IFT140: variants seen among roughly 807,000 people sequenced by gnomAD.
The protein encoded by IFT140 is intraflagellar transport 140, also known as intraflagellar transport protein 140 homolog.
In IFT140, 133 loss-of-function variants were observed where a neutral mutation model predicts 164.6. That is an observed-to-expected ratio of 0.81 (90% CI 0.70 to 0.93). IFT140 has a LOEUF of 0.93. Ranked by LOEUF, IFT140 falls within the 40% of genes least tolerant of loss-of-function variation. The pLI is 0.00. For missense variants in IFT140, 2,045 were observed against 1,972.3 expected, an observed-to-expected ratio of 1.04 and a Z score of -0.70; for synonymous variants, 860 against 817.3, an observed-to-expected ratio of 1.05 and a Z score of -0.89.
intron 19 of IFT140, chr16:1,541,299 C>T: frequency 1.0e-6 from 1 of 985,046 alleles, no homozygotes; most frequent in Non-Finnish European, 1.2e-6. Flanking sequence ...AGGTGGGGGG[C>T]ACTGGTTCAG....
chr16:1,593,571 T>C (rs1015537471), intron 4 of IFT140, among the ~76,000 whole-genome samples: 4 of 152,266 alleles, frequency 2.6e-5, no homozygotes, highest in Admixed American at 1.3e-4. Context: ...CAGGCTCCTC[T>C]GGGCTATGAC....
At chr16:1,526,825 C>T (rs534992746) in intron 19 of IFT140, 29 bp from the exon 20 acceptor site, 11 of 1,593,884 alleles carry the variant, frequency 6.9e-6, no homozygotes, top group Non-Finnish European at 9.4e-6. Context: ...CTGTGAGGCT[C>T]CTGCCCAGCA....
At position 1,574,907 on chromosome 16, in the gene IFT140, A is replaced by G. The variant is rs567243548; in HGVS notation, c.1525-3373T>C. Among the ~76,000 whole-genome samples the G allele has an allele frequency of 7.9e-5, 12 of 152,320 alleles. No homozygotes were observed. In the East Asian group the frequency reaches 2.3e-3, roughly 29 times the overall value. ...AGTGTCTGTAGTCACTGCGTCCCTG[A>G]CACAAACACTAACAGCAGCCATGCA... On this transcript the variant is annotated intron_variant, in intron 13 of 30. Coordinates refer to ENST00000426508, the MANE Select transcript of IFT140 (RefSeq NM_014714.4).
chr16:1,597,231 T>C (rs1175183949), intron 4 of IFT140, among the ~76,000 whole-genome samples: 1 of 152,092 alleles, frequency 6.6e-6, no homozygotes, highest in Non-Finnish European at 1.5e-5. Flanking sequence ...GCCTGGCCCG[T>C]CTAACGTGCT....
Position 1,518,110 on chromosome 16 carries a change from T to C in IFT140, c.4182+106A>G. Reference sequence around the variant, plus strand: ...GCCTCAGCCTCCCAAAGTGCTGGGATTACAGGAGTGAGCCGCCACACACAG... The same window carrying C: ...GCCTCAGCCTCCCAAAGTGCTGGGACTACAGGAGTGAGCCGCCACACACAG... On this transcript the variant is annotated intron_variant, in intron 30 of 30. Coordinates refer to ENST00000426508, the MANE Select transcript of IFT140 (RefSeq NM_014714.4). 3.4e-6 allele frequency: 4 copies of C among 1,161,828 alleles called. No individual in the cohort carries two copies. The South Asian group carries it at 4.4e-5, about 13-fold the overall frequency. The allele number at this position is 1,161,828 out of a possible 1,614,324, so 72.0% of individuals were successfully genotyped here.
intron 19 of IFT140, among the ~76,000 whole-genome samples, chr16:1,537,807 G>A (rs1225552482): frequency 6.6e-6 from 1 of 152,200 alleles, no homozygotes; most frequent in African/African-American, 2.4e-5. Flanking sequence ...GCCAGAGCCT[G>A]GCGCTAGCTG....
At chr16:1,572,570 C>T (rs896264790) in intron 13 of IFT140, among the ~76,000 whole-genome samples, 4 of 152,070 alleles carry the variant, frequency 2.6e-5, no homozygotes, top group Admixed American at 2.0e-4. Flanking sequence ...GGTGTGGACC[C>T]GGGAGGTGGA....
At position 1,583,382 on chromosome 16, in the gene IFT140, G is replaced by A. The variant is rs201949058; in HGVS notation, c.1364C>T (p.Ala455Val). 32 of 1,614,034 alleles carry A rather than the reference G, an allele frequency of 2.0e-5. No individual in the cohort carries two copies. Among genetic ancestry groups the A allele is most frequent in the African/African-American group, 1.9e-4 (14 of 75,046 alleles). ...CTGCCTTCCGTTCCAGACTGCGACAGCATCCTGAAAAGAACCACGGACATT... is the reference window on the plus strand; with the variant it reads ...CTGCCTTCCGTTCCAGACTGCGACAACATCCTGAAAAGAACCACGGACATT... ...HISGVFATKD[A>V]VAVWNGRQVA... Residue 455 changes from alanine to valine, a missense_variant, in exon 12 of 31, where the codon GCT (alanine) becomes GTT (valine). Transcript: ENST00000426508.
chr16:1,574,819 G>A (rs565484812), intron 13 of IFT140, among the ~76,000 whole-genome samples: 5 of 152,228 alleles, frequency 3.3e-5, no homozygotes, highest in African/African-American at 9.6e-5. Flanking sequence ...TGAAACATAC[G>A]CAGGGCTGGG....
intron 13 of IFT140, chr16:1,577,366 T>C (rs1211699656): frequency 2.0e-5 from 3 of 152,228 alleles, no homozygotes; most frequent in African/African-American, 7.2e-5. Flanking sequence ...CTTACTTTAC[T>C]GTAAGAATGC....
At chr16:1,524,369 A>G in intron 24 of IFT140, 183 bp downstream of exon 24, 1 of 725,424 alleles carries the variant, frequency 1.4e-6, no homozygotes, top group Non-Finnish European at 2.2e-6. Context: ...AAACAATGTC[A>G]GATGGAAGCG....
chr16:1,594,033 T>C (rs1380151834), intron 4 of IFT140, among the ~76,000 whole-genome samples: 2 of 152,112 alleles, frequency 1.3e-5, no homozygotes, highest in African/African-American at 4.8e-5. Flanking sequence ...GGTGGACACG[T>C]GGGTATTTAC....
chr16:1,546,351 C>G (rs2032171742), intron 19 of IFT140, among the ~76,000 whole-genome samples: 1 of 152,186 alleles, frequency 6.6e-6, no homozygotes. Flanking sequence ...AGCTGGATCG[C>G]TGGCTGGTTC....
rs760102170 is a variant in IFT140 at position 1,510,920 on chromosome 16, C to A, written c.*24G>T. 6.2e-7 allele frequency: 1 copy of A among 1,601,138 alleles called. No homozygotes were observed. The highest frequency in any genetic ancestry group is 8.5e-7 in the Non-Finnish European group (1 of 1,172,972). On this transcript the variant is annotated 3_prime_UTR_variant, in exon 31 of 31. Coordinates refer to ENST00000426508, the MANE Select transcript of IFT140 (RefSeq NM_014714.4). ...CAGAAGATGCCTTTCTGCAGCAGCACGCTGGTCCTGGGGCCCAGGCCCCTC... is the reference window on the plus strand; with the variant it reads ...CAGAAGATGCCTTTCTGCAGCAGCAAGCTGGTCCTGGGGCCCAGGCCCCTC...
At chr16:1,524,058 G>T in intron 24 of IFT140, 102 bp from the exon 25 acceptor site, 1 of 1,430,452 alleles carries the variant, frequency 7.0e-7, no homozygotes, top group Non-Finnish European at 9.4e-7. Flanking sequence ...CCTTCACTTT[G>T]ACACACTGCT....
At chr16:1,549,000 G>A (rs1212862849) in intron 19 of IFT140, among the ~76,000 whole-genome samples, 4 of 152,324 alleles carry the variant, frequency 2.6e-5, no homozygotes, top group East Asian at 1.9e-4. Context: ...ACCGTCCTCC[G>A]CAGGAGCCAC....
chr16:1,525,402 C>T (rs143318825), intron 21 of IFT140, 76 bp from the exon 22 acceptor site: 103 of 1,137,748 alleles, frequency 9.1e-5, no homozygotes, highest in Non-Finnish European at 1.1e-4. Flanking sequence ...TGAGGGGCAG[C>T]GTCGGTGAAA....
Position 1,553,264 on chromosome 16 carries a change from C to T in IFT140, c.2399+4671G>A. Reference sequence around the variant, plus strand: ...TCTGTCTCTGTCTCTCTGTATCTCTCTTGGTCTCTGTCTCTCTGTGTCTCT... The same window carrying T: ...TCTGTCTCTGTCTCTCTGTATCTCTTTTGGTCTCTGTCTCTCTGTGTCTCT... On this transcript the variant is annotated intron_variant, in intron 19 of 30. Coordinates refer to ENST00000426508, the MANE Select transcript of IFT140 (RefSeq NM_014714.4). This position sits in a 1 kb window ranked among gnomAD's most constrained non-coding sequence, Gnocchi z 4.4. The T allele has an allele frequency of 1.0e-6, 1 of 978,756 alleles. No individual in the cohort carries two copies. The highest frequency in any genetic ancestry group is 4.7e-5 in the South Asian group (1 of 21,126). The allele number at this position is 978,756 out of a possible 1,614,324, so 60.6% of individuals were successfully genotyped here. A position where few individuals can be genotyped will look rare whatever the true frequency, so the allele number is the denominator to read the frequency against.
At position 1,525,280 on chromosome 16, in the gene IFT140, A is replaced by G. The variant is rs145549969; in HGVS notation, c.2815T>C (p.Ser939Pro). Residue 939 changes from serine to proline, a missense_variant, in exon 22 of 31, where the codon TCG (serine) becomes CCG (proline). Transcript: ENST00000426508. ...AGCTCCAGGGACGGCAGGTCCTCCG[A>G]CAGCATCCTGGGCACCTCGAAGCGG... ...THRFEVPRML[S>P]EDLPSLELYV... 14 of 1,612,872 alleles carry G rather than the reference A, an allele frequency of 8.7e-6. No homozygotes were observed. Among genetic ancestry groups the G allele is most frequent in the Non-Finnish European group, 1.2e-5 (14 of 1,179,972 alleles).
Sources: allele counts gnomAD v4.1 joint callset (sites outside exome capture counted in the v4.1 genomes callset), GRCh38; gene constraint gnomAD v4.1.1; non-coding constraint Gnocchi (gnomAD v3.1); transcripts MANE v1.5; gene names NCBI Gene and HGNC (gene_info 2026-07-23, HGNC 2026-07-21).